The following AP3B1 variants were observed in gnomAD, a reference collection of about 807,000 sequenced individuals.
AP3B1 encodes AP-3 complex subunit beta-1.
In AP3B1, 61 loss-of-function variants were observed where a neutral mutation model predicts 132.5. The observed-to-expected ratio is 0.46, with a 90% CI of 0.37 to 0.57. The LOEUF (loss-of-function observed/expected upper bound fraction) is 0.57. AP3B1 is among the 20% of genes least tolerant of loss of function. The pLI is 0.00. For synonymous variants in AP3B1, 388 were observed against 438.3 expected (o/e 0.89, Z 1.43); for missense variants, 1,120 against 1,289.4 (o/e 0.87, Z 2.01).
chr5:78,225,740 A>T (rs1179220286), intron 5 of AP3B1, 132 bp from the exon 6 acceptor site: 2 of 593,600 alleles, frequency 3.4e-6, no homozygotes, highest in Non-Finnish European at 6.0e-6. Context: ...AGAAATAAAG[A>T]AAAACAAATA....
chr5:78,067,287 CAA>C (rs1051792490), intron 22 of AP3B1, among the ~76,000 whole-genome samples: 6 of 152,202 alleles, frequency 3.9e-5, no homozygotes, highest in Non-Finnish European at 7.3e-5. Context: ...TCAGAACCTA[CAA>C]AGAGACTTAA....
rs750523922 is a variant in AP3B1, at chr5:78,129,324, G to A, written c.1651-17C>T. ...CAATTTTGTCTGTTGGAAAAAAACA[G>A]ATCAAGATGAGAATACAGTTATTTA... On this transcript the variant is annotated splice_polypyrimidine_tract_variant and intron_variant, in intron 15 of 26. Coordinates refer to ENST00000255194, the MANE Select transcript of AP3B1 (RefSeq NM_003664.5). The A allele has an allele frequency of 6.4e-7, 1 of 1,571,518 alleles. No individual in the cohort carries two copies. The highest frequency in any genetic ancestry group is 8.8e-7 in the Non-Finnish European group (1 of 1,141,656).
At chr5:78,245,358 AGCCTGCAC>A (rs1425579467) in intron 2 of AP3B1, among the ~76,000 whole-genome samples, 1 of 152,192 alleles carries the variant, frequency 6.6e-6, no homozygotes, top group Non-Finnish European at 1.5e-5. Context: ...CTTAACTAGG[AGCCTGCAC>A]GCCTGTTCAC....
At chr5:78,082,243 A>G (rs894728092) in intron 22 of AP3B1, among the ~76,000 whole-genome samples, 4 of 152,138 alleles carry the variant, frequency 2.6e-5, no homozygotes, top group African/African-American at 9.7e-5. Context: ...GTCAATCCCA[A>G]TTTTGACTGA....
intron 11 of AP3B1, among the ~76,000 whole-genome samples, chr5:78,171,217 GC>G (rs1743900412): frequency 6.6e-6 from 1 of 152,182 alleles, no homozygotes; most frequent in Non-Finnish European, 1.5e-5. Flanking sequence ...GGCAATGTGA[GC>G]TTTTTTTTGG....
chr5:78,199,312 G>A (rs1032611350), intron 7 of AP3B1, among the ~76,000 whole-genome samples: 2 of 152,130 alleles, frequency 1.3e-5, no homozygotes, highest in Non-Finnish European at 2.9e-5. Context: ...CAAATTTTCT[G>A]AAATAAAATA....
rs540693209 is a variant in AP3B1, at chr5:78,165,190, T to A, written c.1230+420A>T. On this transcript the variant is annotated intron_variant, in intron 12 of 26. Coordinates refer to ENST00000255194, the MANE Select transcript of AP3B1 (RefSeq NM_003664.5). Reference sequence around the variant, plus strand: ...CGTAGTGGGGCAATTATGAAACAAATTTTTTTGAGCTATATATGAGGCTAA... The same window carrying A: ...CGTAGTGGGGCAATTATGAAACAAAATTTTTTGAGCTATATATGAGGCTAA... 2.0e-4 allele frequency among the ~76,000 whole-genome samples: 31 copies of A among 152,208 alleles called. No individual in the cohort carries two copies. In the South Asian group the frequency reaches 6.4e-3, roughly 32 times the overall value.
At chr5:78,151,133 G>C (rs190914805) in intron 14 of AP3B1, among the ~76,000 whole-genome samples, 247 of 152,192 alleles carry the variant, frequency 1.6e-3, no homozygotes, top group African/African-American at 5.9e-3. Flanking sequence ...TGGCCAGGCT[G>C]GTCTCAAACT....
chr5:78,125,908 A>G (rs747875558), intron 17 of AP3B1, among the ~76,000 whole-genome samples: 17 of 152,164 alleles, frequency 1.1e-4, no homozygotes, highest in Non-Finnish European at 2.2e-4. Flanking sequence ...CAACAAACCA[A>G]TCTATCAGCC....
intron 2 of AP3B1, among the ~76,000 whole-genome samples, chr5:78,241,915 C>G (rs112927102): frequency 0.03 from 4,601 of 152,248 alleles, 138 homozygotes; most frequent in East Asian, 0.13. Context: ...TTACCCTGGT[C>G]TCTTCTCACA....
At chr5:78,240,016 A>G (rs553815625) in intron 3 of AP3B1, among the ~76,000 whole-genome samples, 1 of 152,334 alleles carries the variant, frequency 6.6e-6, no homozygotes, top group South Asian at 2.1e-4. Flanking sequence ...AAATAAAATC[A>G]TAACTACAAA....
intron 22 of AP3B1, among the ~76,000 whole-genome samples, chr5:78,064,247 T>C (rs906815653): frequency 6.6e-6 from 1 of 151,632 alleles, no homozygotes; most frequent in Non-Finnish European, 1.5e-5. Flanking sequence ...TCAATTTATA[T>C]GATTCCTTAA....
intron 14 of AP3B1, among the ~76,000 whole-genome samples, 172 bp downstream of exon 14, chr5:78,156,086 C>T (rs1743136630): frequency 6.6e-6 from 1 of 152,152 alleles, no homozygotes; most frequent in African/African-American, 2.4e-5. Context: ...TATCCTTTCC[C>T]CTATTCAGAT....
chr5:78,226,736 T>A, intron 5 of AP3B1, among the ~76,000 whole-genome samples: 1 of 152,120 alleles, frequency 6.6e-6, no homozygotes. Context: ...GCTTGAGGAA[T>A]AAATGATAGC....
At chr5:78,045,507 GAT>G (rs1301722721) in intron 22 of AP3B1, among the ~76,000 whole-genome samples, 4 of 151,936 alleles carry the variant, frequency 2.6e-5, no homozygotes, top group Non-Finnish European at 5.9e-5. Flanking sequence ...ATACATAGGT[GAT>G]ATTTTGTTCA....
At chr5:78,253,971 A>G (rs1747748882) in intron 2 of AP3B1, among the ~76,000 whole-genome samples, 1 of 151,842 alleles carries the variant, frequency 6.6e-6, no homozygotes, top group African/African-American at 2.4e-5. Flanking sequence ...AAAAAAAAAA[A>G]AAGAATTCTA....
At chr5:78,115,205 T>A (rs959548905) in intron 18 of AP3B1, among the ~76,000 whole-genome samples, 21 of 152,314 alleles carry the variant, frequency 1.4e-4, no homozygotes, top group African/African-American at 4.8e-4. Flanking sequence ...TGAAAGAAAT[T>A]ACAGGTAATG....
chr5:78,208,323 A>G (rs927145953), intron 7 of AP3B1, among the ~76,000 whole-genome samples: 1 of 152,204 alleles, frequency 6.6e-6, no homozygotes. Flanking sequence ...TCAGCTATAT[A>G]TAACAGAAAT....
chr5:78,135,145 G>A (rs1231239599), intron 15 of AP3B1, among the ~76,000 whole-genome samples: 1 of 152,058 alleles, frequency 6.6e-6, no homozygotes, highest in Non-Finnish European at 1.5e-5. Flanking sequence ...AACTTTAGGA[G>A]GAATCCCTAA....
Sources: gnomAD v4.1 joint callset for allele counts (sites outside exome capture counted in the v4.1 genomes callset) on GRCh38, gnomAD v4.1.1 for gene constraint, MANE v1.5 for transcripts, NCBI Gene and HGNC (gene_info 2026-07-23, HGNC 2026-07-21) for gene names.